Variants in PPP4R1 observed in about 807,000 individuals in gnomAD.
The protein encoded by PPP4R1 is protein phosphatase 4 regulatory subunit 1.
A neutral mutation model predicts 111.2 loss-of-function variants in PPP4R1; 42 were observed. The ratio of observed to expected loss-of-function variants is 0.38; its 90% confidence interval spans 0.29 to 0.49. PPP4R1 has a LOEUF of 0.49. PPP4R1 is among the 20% of genes least tolerant of loss of function. The probability of loss-of-function intolerance (pLI) is 0.97; values close to 1 mark genes in which losing one functional copy is unlikely to be tolerated. For missense variants in PPP4R1, 1,012 were observed against 1,161.6 expected (o/e 0.87, Z 1.87); for synonymous variants, 409 against 405.5 (o/e 1.01, Z -0.10).
intron 14 of PPP4R1, among the ~76,000 whole-genome samples, 164 bp from the exon 15 acceptor site, chr18:9,557,546 G>C (rs1205075306): frequency 6.6e-6 from 1 of 152,198 alleles, no homozygotes; most frequent in African/African-American, 2.4e-5. Context: ...GCATCGAAAA[G>C]TGTAACAGAA....
intron 7 of PPP4R1, 69 bp from the exon 8 acceptor site, chr18:9,584,649 AT>A (rs2067086050): frequency 1.2e-6 from 2 of 1,600,708 alleles, no homozygotes; most frequent in Admixed American, 3.4e-5. Context: ...AATCTTTTAA[AT>A]ATCATGTATC....
At chr18:9,572,381 G>A (rs963277162) in intron 10 of PPP4R1, among the ~76,000 whole-genome samples, 1 of 152,146 alleles carries the variant, frequency 6.6e-6, no homozygotes, top group Non-Finnish European at 1.5e-5. Flanking sequence ...AGAGATGAAA[G>A]AACTGGAGAC....
At chr18:9,576,185 A>T (rs1175178024) in intron 10 of PPP4R1, among the ~76,000 whole-genome samples, 1 of 152,224 alleles carries the variant, frequency 6.6e-6, no homozygotes, top group Non-Finnish European at 1.5e-5. Flanking sequence ...ACACCAAGAA[A>T]GCAAATAGCA....
intron 10 of PPP4R1, among the ~76,000 whole-genome samples, chr18:9,573,372 A>C (rs958314110): frequency 1.3e-5 from 2 of 152,260 alleles, no homozygotes; most frequent in African/African-American, 4.8e-5. Context: ...ATTCTCAAAG[A>C]GTTCAGAAAA....
Position 9,570,179 on chromosome 18 carries a change from G to A in PPP4R1, c.1551C>T (p.His517=). 1.3e-6 allele frequency: 2 copies of A among 1,528,164 alleles called. No individual in the cohort carries two copies. Among genetic ancestry groups the A allele is most frequent in the Admixed American group, 2.2e-5 (1 of 44,628 alleles). The allele number at this position is 1,528,164 out of a possible 1,614,324, so 94.7% of individuals were successfully genotyped here. ...LEEMIENLEP[H]IDDPDVKAQV... ...TACCTTTAACATCTGGATCATCAAT[G>A]TGGGGCTCTAGATTTTCTATCATTT... Residue 517 remains histidine (H), a synonymous_variant, in exon 11 of 20, where the codon CAC becomes CAT. Coordinates refer to ENST00000400556, the MANE Select transcript of PPP4R1 (RefSeq NM_001042388.3).
At chr18:9,549,150 A>C (rs376644659) in intron 19 of PPP4R1, 47 bp downstream of exon 19, 1 of 1,589,374 alleles carries the variant, frequency 6.3e-7, no homozygotes, top group African/African-American at 1.3e-5. Flanking sequence ...CAGTCCACAG[A>C]CCTCCTTCTC....
chr18:9,608,357 C>T (rs1415844150), intron 2 of PPP4R1, among the ~76,000 whole-genome samples: 1 of 152,196 alleles, frequency 6.6e-6, no homozygotes, highest in East Asian at 1.9e-4. Context: ...CTTTCCCCTA[C>T]ACAAAACTAT....
intron 2 of PPP4R1, among the ~76,000 whole-genome samples, chr18:9,608,578 C>T (rs916724226): frequency 2.0e-5 from 3 of 152,202 alleles, no homozygotes. Context: ...AAAAGCAGAG[C>T]AAGTTCCAGA....
At chr18:9,615,533 T>TATA (rs773214726), upstream of PPP4R1, among the ~76,000 whole-genome samples, 1 of 152,220 alleles carries the variant, frequency 6.6e-6, no homozygotes, top group African/African-American at 2.4e-5. Context: ...CAGACTTTAT[T>TATA]AGTCTTGTTG....
intron 2 of PPP4R1, among the ~76,000 whole-genome samples, chr18:9,611,174 A>C (rs1280224589): frequency 6.6e-6 from 1 of 152,116 alleles, no homozygotes; most frequent in Non-Finnish European, 1.5e-5. Context: ...GTCAACCAAG[A>C]TTCTAGAGCT....
chr18:9,614,533 T>C lies in PPP4R1; in HGVS notation c.-49A>G, dbSNP rs1413182402. On this transcript the variant is annotated 5_prime_UTR_variant, in exon 1 of 20. It removes an upstream start codon present in the reference 5' UTR. Coordinates refer to ENST00000400556, the MANE Select transcript of PPP4R1 (RefSeq NM_001042388.3). This position sits in a 1 kb window ranked among gnomAD's most constrained non-coding sequence, Gnocchi z 4.1. ...GGCCGCCCGGGGAGCCGGGGCTACA[T>C]GGAGCGGCGCGAGCCGGGGAGCCGG... The C allele has an allele frequency of 6.0e-6, 6 of 1,003,408 alleles. 1 individual carries two copies. Among genetic ancestry groups the C allele is most frequent in the South Asian group, 9.0e-5 (2 of 22,206 alleles). 62.2% of individuals were successfully genotyped at this position (1,003,408 alleles called of 1,614,324 possible).
Position 9,577,105 on chromosome 18 carries a change from T to C in PPP4R1, c.1005A>G (p.Glu335=), listed in dbSNP as rs756457473. ...PSSSGQYFKE[E]SKSSEEMSVE... ...CTGACATCTCTTCTGAACTTTTGCT[T>C]TCTTCTTTAAAATACTGGCCTGAGC... Residue 335 remains glutamate, a synonymous_variant, in exon 10 of 20, where the codon GAA becomes GAG. Coordinates refer to ENST00000400556, the MANE Select transcript of PPP4R1 (RefSeq NM_001042388.3). 2 of 1,598,440 alleles carry C rather than the reference T, an allele frequency of 1.3e-6. No individual in the cohort carries two copies. Among genetic ancestry groups the C allele is most frequent in the African/African-American group, 1.3e-5 (1 of 74,426 alleles).
At chr18:9,610,663 G>A (rs529225802) in intron 2 of PPP4R1, among the ~76,000 whole-genome samples, 1 of 152,052 alleles carries the variant, frequency 6.6e-6, no homozygotes, top group South Asian at 2.1e-4. Flanking sequence ...ATTTCACCAT[G>A]TTGGCCAGGA....
rs192117548 is a variant in PPP4R1 at position 9,554,236 on chromosome 18, T to A, written c.2191-814A>T. Among the ~76,000 whole-genome samples, 609 of 151,818 alleles carry A rather than the reference T, an allele frequency of 4.0e-3. 25 individuals are homozygous for A. Among genetic ancestry groups the A allele is most frequent in the Admixed American group, 0.038 (578 of 15,236 alleles). The stretch of plus-strand genomic sequence containing the variant: ...TCCACCTCCCAGGTTCAAGCGATTC[T>A]CCTGCCTCAGCCTCCCGAGTAGCTG... On this transcript the variant is annotated intron_variant, in intron 15 of 19. Coordinates refer to ENST00000400556, the MANE Select transcript of PPP4R1 (RefSeq NM_001042388.3).
At chr18:9,569,930 T>C (rs2066831976) in intron 11 of PPP4R1, among the ~76,000 whole-genome samples, 1 of 152,132 alleles carries the variant, frequency 6.6e-6, no homozygotes. Context: ...TTTATTTTTT[T>C]GTAGAGATGG....
chr18:9,585,822 A>C lies in PPP4R1; in HGVS notation c.586-994T>G, dbSNP rs545102222. Among the ~76,000 whole-genome samples, 13 of 152,312 alleles carry C rather than the reference A, an allele frequency of 8.5e-5. No homozygotes were observed. In the South Asian group the frequency reaches 2.5e-3, roughly 29 times the overall value. On this transcript the variant is annotated intron_variant, in intron 6 of 19. Coordinates refer to ENST00000400556, the MANE Select transcript of PPP4R1 (RefSeq NM_001042388.3). ...AAAAATATGAAATCGAACAAAATAC[A>C]CACAAGAACTTTCTGCTGAAAACTA... is the stretch of plus-strand genomic sequence containing the variant.
intron 2 of PPP4R1, among the ~76,000 whole-genome samples, chr18:9,611,647 T>C (rs1010086497): frequency 6.6e-6 from 1 of 152,252 alleles, no homozygotes; most frequent in South Asian, 2.1e-4. Context: ...ATTATGAATA[T>C]GCAAATAACT....
In PPP4R1 at chr18:9,570,304, A is replaced by G; in HGVS notation, c.1426T>C (p.Ser476Pro). The G allele has an allele frequency of 6.2e-7, 1 of 1,612,162 alleles. No individual in the cohort carries two copies. The highest frequency in any genetic ancestry group is 8.5e-7 in the Non-Finnish European group (1 of 1,179,236). ...IDLDIELEQN[S>P]GGKPSPEGPE... ...CCCTCTGGGCTGGGTTTTCCCCCAGAGTTCTGTTCAAGCTCTATGTCTAGA... is the reference window on the plus strand; with the variant it reads ...CCCTCTGGGCTGGGTTTTCCCCCAGGGTTCTGTTCAAGCTCTATGTCTAGA... Residue 476 changes from serine to proline, a missense_variant, in exon 11 of 20, where the codon TCT (serine) becomes CCT (proline). Ser to Pro is a moderately conservative substitution (Grantham distance 74). This residue lies in a region of PPP4R1 where 707 missense variants were observed against 742.1 expected (regional missense o/e 0.95). Coordinates refer to ENST00000400556, the MANE Select transcript of PPP4R1 (RefSeq NM_001042388.3).
intron 14 of PPP4R1, 139 bp from the exon 15 acceptor site, chr18:9,557,521 A>G (rs1184195085): frequency 1.5e-6 from 1 of 689,062 alleles, no homozygotes; most frequent in Admixed American, 3.8e-5. Flanking sequence ...TACTAACTTT[A>G]AATGCCTAAA....
Sources: gnomAD v4.1 joint callset for allele counts (sites outside exome capture counted in the v4.1 genomes callset) on GRCh38, gnomAD v4.1.1 for gene constraint, gnomAD v4.1.1 regional missense constraint, Gnocchi (gnomAD v3.1) non-coding constraint, MANE v1.5 for transcripts, NCBI Gene and HGNC (gene_info 2026-07-23, HGNC 2026-07-21) for gene names.